DDX25: variants seen among roughly 807,000 people sequenced by gnomAD.
The protein encoded by DDX25 is ATP-dependent RNA helicase DDX25.
Under a neutral mutation model 64.6 loss-of-function variants are expected in DDX25, and 70 were observed. That is an observed-to-expected ratio of 1.08 (90% confidence interval 0.89 to 1.32). The LOEUF is 1.32. DDX25 is among the 40% of genes most tolerant of loss of function. The pLI, the probability that DDX25 is intolerant of heterozygous loss-of-function variation, is 0.00. For synonymous variants in DDX25, 211 were observed against 213.3 expected (o/e 0.99, Z 0.09); for missense variants, 587 against 604.4 (o/e 0.97, Z 0.30).
Position 125,923,029 on chromosome 11 carries a change from A to G in DDX25, c.*148A>G. On this transcript the variant is annotated 3_prime_UTR_variant, in exon 12 of 12. Coordinates refer to ENST00000263576, the MANE Select transcript of DDX25 (RefSeq NM_013264.5). Reference sequence around the variant, plus strand: ...ATGTCACGGTACTTAGTTTTAAGACATGAGGTCTTTTTGAAGCCAAATTGA... The same window carrying G: ...ATGTCACGGTACTTAGTTTTAAGACGTGAGGTCTTTTTGAAGCCAAATTGA... 1 of 683,232 alleles carries G rather than the reference A, an allele frequency of 1.5e-6. No homozygotes were observed. Among genetic ancestry groups the G allele is most frequent in the Non-Finnish European group, 2.4e-6 (1 of 419,076 alleles). The allele number at this position is 683,232 out of a possible 1,614,324, so 42.3% of individuals were successfully genotyped here. A position where few individuals can be genotyped will look rare whatever the true frequency, so the allele number is the denominator to read the frequency against.
At chr11:125,907,400 A>G (rs540350345) in intron 4 of DDX25, among the ~76,000 whole-genome samples, 10 of 152,124 alleles carry the variant, frequency 6.6e-5, no homozygotes, top group Non-Finnish European at 1.0e-4. Context: ...CGAGGTCAGG[A>G]GATCGAGACC....
In DDX25 at chr11:125,924,090, C is replaced by CA. The variant is rs1945146213; in HGVS notation, c.*1209_*1210insA. On this transcript the variant is annotated 3_prime_UTR_variant, in exon 12 of 12. Coordinates refer to ENST00000263576, the MANE Select transcript of DDX25 (RefSeq NM_013264.5). ...GACCAGCCTTACCAACATGGTGAAA[C>CA]CCCTTCTCTACTAAAAATATAAAAA... 3 of 152,148 alleles carry CA rather than the reference C, an allele frequency of 2.0e-5. No individual in the cohort carries two copies. Among genetic ancestry groups the CA allele is most frequent in the Admixed American group, 6.6e-5 (1 of 15,264 alleles). The allele number at this position is 152,148 out of a possible 1,614,324, so 9.4% of individuals were successfully genotyped here. A position where few individuals can be genotyped will look rare whatever the true frequency, so the allele number is the denominator to read the frequency against.
In DDX25 at chr11:125,925,019, C is replaced by T. The variant is rs1945155191; in HGVS notation, c.*2138C>T. On this transcript the variant is annotated 3_prime_UTR_variant, in exon 12 of 12. Transcript: ENST00000263576. ...TAAATTTTTTTTTCTTTTGCCACTT[C>T]CTCATTCACTAATAATTTTTTTTTA... 1 of 164,048 alleles carries T rather than the reference C, an allele frequency of 6.1e-6. No homozygotes were observed. The allele number at this position is 164,048 out of a possible 1,614,324, so 10.2% of individuals were successfully genotyped here.
chr11:125,905,286 C>T lies in DDX25; in HGVS notation c.130+8C>T. The T allele has an allele frequency of 1.3e-6, 2 of 1,551,532 alleles. No homozygotes were observed. The highest frequency in any genetic ancestry group is 4.9e-5 in the East Asian group (2 of 40,916). Reference sequence around the variant, plus strand: ...CTGCAGTCCGAAACATAGGTGAGTGCTGTTAGGGCAAAGCAGAGCGACCTC... The same window carrying T: ...CTGCAGTCCGAAACATAGGTGAGTGTTGTTAGGGCAAAGCAGAGCGACCTC... On this transcript the variant is annotated splice_region_variant and intron_variant, in intron 2 of 11. Transcript: ENST00000263576.
chr11:125,904,592 C>T lies in DDX25; in HGVS notation c.63+12C>T. ...GGCTGAACAGCCACGTAACCGCCAC[C>T]GAGCCGGGGGGCCACAGCCGCGGGG... On this transcript the variant is annotated intron_variant, in intron 1 of 11. Transcript: ENST00000263576. 5 of 1,477,082 alleles carry T rather than the reference C, an allele frequency of 3.4e-6. No homozygotes were observed. The African/African-American group carries it at 4.3e-5, about 13-fold the overall frequency. 91.5% of individuals were successfully genotyped at this position (1,477,082 alleles called of 1,614,324 possible).
At chr11:125,918,532 C>T (rs1945068743) in intron 9 of DDX25, 96 bp from the exon 10 acceptor site, 3 of 1,475,404 alleles carry the variant, frequency 2.0e-6, no homozygotes, top group African/African-American at 2.8e-5. Flanking sequence ...CTGCAGCCCT[C>T]TCCCACCCCC....
rs1050279590 is a variant in DDX25 at position 125,923,533 on chromosome 11, A to G, written c.*652A>G. ...CCTCATCAGTTATTTCATAGTCTCT[A>G]AAAGTGTGGCTGTATTATGGGCATT... On this transcript the variant is annotated 3_prime_UTR_variant, in exon 12 of 12. Transcript: ENST00000263576. 17 of 152,184 alleles carry G rather than the reference A, an allele frequency of 1.1e-4. No individual in the cohort carries two copies. The highest frequency in any genetic ancestry group is 1.0e-3 in the Admixed American group (16 of 15,284). The allele number at this position is 152,184 out of a possible 1,614,324, so 9.4% of individuals were successfully genotyped here.
Position 125,904,552 on chromosome 11 carries a change from CG to C in DDX25, c.37del (p.Ala13ArgfsTer6). On this transcript the variant is annotated frameshift_variant, in exon 1 of 12. Coordinates refer to ENST00000263576, the MANE Select transcript of DDX25 (RefSeq NM_013264.5). LOFTEE classifies it high-confidence loss of function. Reference sequence around the variant, plus strand: ...TTACTGTGGGGAGGCGACGCAGGGGCGGCGGAGAGCGAGCGGCTGAACAGCC... The same window carrying C: ...TTACTGTGGGGAGGCGACGCAGGGGCGCGGAGAGCGAGCGGCTGAACAGCC... ...ASLLWGGDAG[A>X]AESERLNSHF... 6.7e-7 allele frequency: 1 copy of C among 1,497,128 alleles called. No homozygotes were observed. Among genetic ancestry groups the C allele is most frequent in the South Asian group, 1.3e-5 (1 of 76,926 alleles). The allele number at this position is 1,497,128 out of a possible 1,614,324, so 92.7% of individuals were successfully genotyped here. A position where few individuals can be genotyped will look rare whatever the true frequency, so the allele number is the denominator to read the frequency against.
chr11:125,919,589 G>C (rs997809097), intron 10 of DDX25, among the ~76,000 whole-genome samples: 3 of 148,616 alleles, frequency 2.0e-5, no homozygotes, highest in Non-Finnish European at 3.0e-5. Context: ...GGGCCTTCCG[G>C]CTTTCTTCAT....
intron 10 of DDX25, among the ~76,000 whole-genome samples, chr11:125,920,668 C>T (rs776914055): frequency 5.3e-5 from 8 of 151,974 alleles, no homozygotes; most frequent in Non-Finnish European, 1.0e-4. Context: ...TGGTGACCAT[C>T]GTAGGAGAGA....
chr11:125,906,093 A>T lies in DDX25; in HGVS notation c.195A>T (p.Ser65=). The change falls in exon 4 of 12, where the codon TCA becomes TCT. Residue 65 remains serine, a synonymous_variant. Coordinates refer to ENST00000263576, the MANE Select transcript of DDX25 (RefSeq NM_013264.5). ...TTCTAGTGGATTTGGCAGCTAATTC[A>T]CTCTTAAACAAGTTAATCCATCAAT... is the stretch of plus-strand genomic sequence containing the variant. ...EEDVVDLAAN[S]LLNKLIHQSL... The T allele has an allele frequency of 6.5e-7, 1 of 1,535,850 alleles. No homozygotes were observed. The highest frequency in any genetic ancestry group is 1.4e-5 in the African/African-American group (1 of 72,018).
At chr11:125,918,893 A>T (rs1205853803) in intron 10 of DDX25, 103 bp downstream of exon 10, 1 of 1,304,444 alleles carries the variant, frequency 7.7e-7, no homozygotes, top group Non-Finnish European at 1.0e-6. Flanking sequence ...GCAATCATGC[A>T]GCTATCACTG....
chr11:125,917,221 C>T lies in DDX25; in HGVS notation c.1008C>T (p.Ile336=), dbSNP rs745354339. The stretch of plus-strand genomic sequence containing the variant: ...CTCTGTGCAACATTTATGGCAGCAT[C>T]ACCATTGGTCAGGCCATCATCTTCT... ...YQALCNIYGS[I]TIGQAIIFCQ... is the part of the protein sequence containing the mutation. The change falls in exon 9 of 12, where the codon ATC becomes ATT. Residue 336 remains isoleucine (I), a synonymous_variant. Transcript: ENST00000263576. The T allele has an allele frequency of 1.2e-6, 2 of 1,608,216 alleles. No individual in the cohort carries two copies. Among genetic ancestry groups the T allele is most frequent in the Non-Finnish European group, 1.7e-6 (2 of 1,177,518 alleles).
Position 125,918,696 on chromosome 11 carries a change from C to T in DDX25, c.1107C>T (p.Ser369=), listed in dbSNP as rs759664197. 7 of 1,613,696 alleles carry T rather than the reference C, an allele frequency of 4.3e-6. No individual in the cohort carries two copies. Among genetic ancestry groups the T allele is most frequent in the East Asian group, 4.5e-5 (2 of 44,888 alleles). ...IQDGHQVSLL[S]GELTVEQRAS... is the part of the protein sequence containing the mutation. ...ATGGCCACCAGGTGTCTTTGTTAAGCGGGGAGCTGACCGTGGAGCAGCGAG... is the reference window on the plus strand; with the variant it reads ...ATGGCCACCAGGTGTCTTTGTTAAGTGGGGAGCTGACCGTGGAGCAGCGAG... Residue 369 remains serine (S), a synonymous_variant, in exon 10 of 12, where the codon AGC becomes AGT. Transcript: ENST00000263576.
intron 4 of DDX25, among the ~76,000 whole-genome samples, chr11:125,907,402 A>T (rs978122883): frequency 2.6e-5 from 4 of 152,070 alleles, no homozygotes; most frequent in South Asian, 2.1e-4. Flanking sequence ...AGGTCAGGAG[A>T]TCGAGACCAT....
rs139990549 is a variant in DDX25, at chr11:125,918,392, T to G, written c.1039-236T>G. Among the ~76,000 whole-genome samples the G allele has an allele frequency of 1.7e-3, 266 of 152,272 alleles. 1 individual carries two copies. The highest frequency in any genetic ancestry group is 4.1e-3 in the African/African-American group (171 of 41,544). Reference sequence around the variant, plus strand: ...GCAGATGTAGCACATTTATCTCCATTTCATGCGTGAGAAAGCCAGAGGTCT... The same window carrying G: ...GCAGATGTAGCACATTTATCTCCATGTCATGCGTGAGAAAGCCAGAGGTCT... On this transcript the variant is annotated intron_variant, in intron 9 of 11. Transcript: ENST00000263576.
intron 4 of DDX25, among the ~76,000 whole-genome samples, chr11:125,907,416 G>C (rs900861911): frequency 1.3e-5 from 2 of 152,112 alleles, no homozygotes; most frequent in African/African-American, 4.8e-5. Flanking sequence ...AGACCATCCT[G>C]GCTAACACAG....
At position 125,919,456 on chromosome 11, in the gene DDX25, T is replaced by C. The variant is rs1047920787; in HGVS notation, c.1201+666T>C. ...CTAGTGGCTGTATACTGGGATCTCA[T>C]TGTGGTTTTAAGTTGCACTTCTCTG... On this transcript the variant is annotated intron_variant, in intron 10 of 11. Coordinates refer to ENST00000263576, the MANE Select transcript of DDX25 (RefSeq NM_013264.5). Among the ~76,000 whole-genome samples, 3 of 152,176 alleles carry C rather than the reference T, an allele frequency of 2.0e-5. No homozygotes were observed. The East Asian group carries it at 5.8e-4, about 29-fold the overall frequency.
Position 125,925,376 on chromosome 11 carries a change from A to G in DDX25, c.*2495A>G, listed in dbSNP as rs1456830513. 2.2e-6 allele frequency: 1 copy of G among 456,026 alleles called. No homozygotes were observed. The highest frequency in any genetic ancestry group is 1.5e-5 in the South Asian group (1 of 64,528). 28.2% of individuals were successfully genotyped at this position (456,026 alleles called of 1,614,324 possible). On this transcript the variant is annotated 3_prime_UTR_variant, in exon 12 of 12. Transcript: ENST00000263576. Reference sequence around the variant, plus strand: ...TTGTCTCACCACCTAGGAGGCAGCAAAGCCATCCTGTGTCACAGCTGCATT... The same window carrying G: ...TTGTCTCACCACCTAGGAGGCAGCAGAGCCATCCTGTGTCACAGCTGCATT...
Sources: allele counts gnomAD v4.1 joint callset (sites outside exome capture counted in the v4.1 genomes callset), GRCh38; gene constraint gnomAD v4.1.1; transcripts MANE v1.5; gene names NCBI Gene and HGNC (gene_info 2026-07-23, HGNC 2026-07-21).